Variants in EYS observed in about 807,000 individuals in gnomAD.
The protein encoded by EYS is EGF-like photoreceptor maintenance factor.
EYS carries 250 observed loss-of-function variants against 282.1 expected under a neutral mutation model. That is an observed-to-expected ratio of 0.89 (90% confidence interval 0.80 to 0.98). The LOEUF is 0.98. Among genes scored for constraint, EYS ranks in the 50% least tolerant of loss-of-function variants. The probability of loss-of-function intolerance (pLI) is 0.00; values close to 1 mark genes in which losing one functional copy is unlikely to be tolerated. For synonymous variants in EYS, 1,355 were observed against 1,282.9 expected (o/e 1.06, Z -1.20); for missense variants, 4,016 against 3,709.0 (o/e 1.08, Z -2.15).
chr6:63,856,851 A>G (rs961882244), intron 36 of EYS, among the ~76,000 whole-genome samples: 3 of 152,202 alleles, frequency 2.0e-5, no homozygotes, highest in Non-Finnish European at 4.4e-5. Context: ...AATAAGATAA[A>G]TATAATACAA....
At chr6:64,388,445 T>C (rs1158980591) in intron 29 of EYS, among the ~76,000 whole-genome samples, 1 of 152,098 alleles carries the variant, frequency 6.6e-6, no homozygotes, top group Non-Finnish European at 1.5e-5. Context: ...ACTATAGCCA[T>C]AAGATGGAAA....
At chr6:64,231,800 A>C (rs1279256211) in intron 30 of EYS, among the ~76,000 whole-genome samples, 1 of 152,166 alleles carries the variant, frequency 6.6e-6, no homozygotes, top group Non-Finnish European at 1.5e-5. Context: ...TAATGTGTTC[A>C]GCATACTCAT....
rs560290144 is a variant in EYS, at chr6:63,834,885, A to C, written c.7229-28513T>G. ...TACTATGCAGCCATAAAAAAGGATG[A>C]GTTCATGTCCTTTGTAGGGACATGG... On this transcript the variant is annotated intron_variant, in intron 36 of 42. Coordinates refer to ENST00000503581, the MANE Select transcript of EYS (RefSeq NM_001142800.2). 1.2e-4 allele frequency among the ~76,000 whole-genome samples: 19 copies of C among 152,062 alleles called. 2 individuals are homozygous for C. The South Asian group carries it at 3.5e-3, about 28-fold the overall frequency.
At chr6:65,147,809 G>A (rs1196608389) in intron 12 of EYS, among the ~76,000 whole-genome samples, 3 of 152,056 alleles carry the variant, frequency 2.0e-5, no homozygotes, top group Admixed American at 2.0e-4. Flanking sequence ...CCGCATGACT[G>A]GGGATGCCTC....
chr6:64,123,053 G>A (rs1484619043), intron 31 of EYS, among the ~76,000 whole-genome samples: 2 of 152,044 alleles, frequency 1.3e-5, no homozygotes, highest in Non-Finnish European at 2.9e-5. Context: ...AACAGTAATA[G>A]GGTGTGTTTA....
At chr6:64,212,924 T>C (rs1582435315) in intron 31 of EYS, among the ~76,000 whole-genome samples, 1 of 152,246 alleles carries the variant, frequency 6.6e-6, no homozygotes, top group Non-Finnish European at 1.5e-5. Flanking sequence ...AAATACTATG[T>C]AGCCATAAAA....
intron 35 of EYS, among the ~76,000 whole-genome samples, chr6:63,934,884 A>T (rs1765010479): frequency 6.6e-6 from 1 of 151,864 alleles, no homozygotes; most frequent in Admixed American, 6.6e-5. Flanking sequence ...ATGTACCCTA[A>T]AACTTAAATT....
chr6:65,017,614 G>A (rs920821856), intron 13 of EYS, among the ~76,000 whole-genome samples: 16 of 152,088 alleles, frequency 1.1e-4, no homozygotes, highest in South Asian at 2.1e-4. Context: ...TCTTTTGAGC[G>A]TAAACAATTT....
chr6:65,148,106 C>G (rs1764522857), intron 12 of EYS, among the ~76,000 whole-genome samples: 1 of 152,010 alleles, frequency 6.6e-6, no homozygotes, highest in Non-Finnish European at 1.5e-5. Context: ...CAGCCCATCC[C>G]AAATCTCATG....
At chr6:64,340,678 G>C (rs1317708562) in intron 29 of EYS, among the ~76,000 whole-genome samples, 1 of 151,674 alleles carries the variant, frequency 6.6e-6, no homozygotes, top group African/African-American at 2.4e-5. Flanking sequence ...TTATGGCCAA[G>C]TCCCCAAAAG....
At chr6:64,326,290 C>T (rs981464254) in intron 29 of EYS, among the ~76,000 whole-genome samples, 3 of 152,096 alleles carry the variant, frequency 2.0e-5, no homozygotes, top group African/African-American at 7.2e-5. Context: ...ACTCCACATT[C>T]CTCAAAGTTT....
At chr6:64,077,081 A>G (rs1179001693) in intron 32 of EYS, among the ~76,000 whole-genome samples, 1 of 152,016 alleles carries the variant, frequency 6.6e-6, no homozygotes, top group East Asian at 1.9e-4. Flanking sequence ...GAAGTTTCTC[A>G]TGAATGACAA....
chr6:65,280,394 G>A (rs34401222), intron 12 of EYS, among the ~76,000 whole-genome samples: 1 of 152,214 alleles, frequency 6.6e-6, no homozygotes, highest in East Asian at 1.9e-4. Context: ...TAGTTTTTAT[G>A]TAGTAAGTAT....
intron 31 of EYS, among the ~76,000 whole-genome samples, chr6:64,170,545 A>G (rs1479359173): frequency 6.6e-6 from 1 of 151,512 alleles, no homozygotes. Flanking sequence ...TCTTGGCTGC[A>G]TCGCTGCCTT....
intron 1 of EYS, among the ~76,000 whole-genome samples, chr6:65,644,868 G>A (rs959140899): frequency 1.3e-5 from 2 of 152,134 alleles, no homozygotes; most frequent in Non-Finnish European, 2.9e-5. Flanking sequence ...CAAAAGCTGT[G>A]AGAATTCGCC....
chr6:64,886,655 G>T, intron 19 of EYS, 42 bp downstream of exon 19: 1 of 1,451,218 alleles, frequency 6.9e-7, no homozygotes, highest in Middle Eastern at 1.7e-4. Flanking sequence ...TTTGCTTGCA[G>T]ACAGAAATAT....
intron 26 of EYS, among the ~76,000 whole-genome samples, chr6:64,511,626 A>G (rs1271955588): frequency 6.6e-6 from 1 of 152,000 alleles, no homozygotes; most frequent in Non-Finnish European, 1.5e-5. Context: ...GAACACGAAC[A>G]CTGCTTTAGT....
At chr6:64,635,617 G>A (rs1490835458) in intron 22 of EYS, among the ~76,000 whole-genome samples, 1 of 152,136 alleles carries the variant, frequency 6.6e-6, no homozygotes, top group Non-Finnish European at 1.5e-5. Flanking sequence ...TTTATATGCT[G>A]GATTACATTT....
intron 12 of EYS, among the ~76,000 whole-genome samples, chr6:65,217,285 T>C (rs1158706546): frequency 6.6e-6 from 1 of 152,100 alleles, no homozygotes; most frequent in Non-Finnish European, 1.5e-5. Context: ...TTTAAGACTG[T>C]AGCAATTTTA....
Sources: gnomAD v4.1 joint callset for allele counts (sites outside exome capture counted in the v4.1 genomes callset) on GRCh38, gnomAD v4.1.1 for gene constraint, MANE v1.5 for transcripts, NCBI Gene and HGNC (gene_info 2026-07-23, HGNC 2026-07-21) for gene names.